Variants in SCAPER observed in about 807,000 individuals in gnomAD.
SCAPER encodes the protein S phase cyclin A-associated protein in the endoplasmic reticulum.
SCAPER carries 98 observed loss-of-function variants against 182.2 expected under a neutral mutation model. The ratio of observed to expected loss-of-function variants is 0.54; its 90% CI spans 0.46 to 0.64. The LOEUF is 0.64. Among genes scored for constraint, SCAPER ranks in the 30% least tolerant of loss-of-function variants. The pLI, the probability that SCAPER is intolerant of heterozygous loss-of-function variation, is 0.00. For missense variants in SCAPER, 1,432 were observed against 1,690.0 expected (o/e 0.85, Z 2.68); for synonymous variants, 605 against 564.6 (o/e 1.07, Z -1.01).
intron 23 of SCAPER, among the ~76,000 whole-genome samples, chr15:76,512,710 T>C (rs1383350814): frequency 3.3e-5 from 5 of 151,988 alleles, no homozygotes; most frequent in Non-Finnish European, 5.9e-5. Flanking sequence ...ACAACATGGA[T>C]GCGACCTCTT....
At chr15:76,411,311 A>C (rs1052592673) in intron 26 of SCAPER, among the ~76,000 whole-genome samples, 1 of 151,984 alleles carries the variant, frequency 6.6e-6, no homozygotes, top group African/African-American at 2.4e-5. Flanking sequence ...CAAACCCAAA[A>C]CTTTCTGAGT....
intron 17 of SCAPER, among the ~76,000 whole-genome samples, chr15:76,721,838 G>A (rs1471995924): frequency 1.3e-5 from 2 of 152,116 alleles, no homozygotes; most frequent in Non-Finnish European, 2.9e-5. Flanking sequence ...TGAGACGATG[G>A]GGTTTTCTAG....
intron 24 of SCAPER, among the ~76,000 whole-genome samples, chr15:76,502,963 C>A (rs2041265366): frequency 6.6e-6 from 1 of 152,174 alleles, no homozygotes; most frequent in East Asian, 1.9e-4. Context: ...ACAACATACT[C>A]TGTCACAATG....
intron 20 of SCAPER, among the ~76,000 whole-genome samples, chr15:76,696,931 T>C (rs773930449): frequency 6.6e-5 from 10 of 152,100 alleles, no homozygotes; most frequent in South Asian, 2.1e-4. Flanking sequence ...CAAATTACAA[T>C]AAAAACACAA....
chr15:76,714,832 A>T (rs1336813120), intron 17 of SCAPER, among the ~76,000 whole-genome samples: 3 of 152,210 alleles, frequency 2.0e-5, no homozygotes, highest in Non-Finnish European at 4.4e-5. Flanking sequence ...AAATACATCA[A>T]ATTGAAGTGG....
intron 17 of SCAPER, among the ~76,000 whole-genome samples, chr15:76,706,999 T>C (rs1209169006): frequency 6.6e-6 from 1 of 152,074 alleles, no homozygotes; most frequent in African/African-American, 2.4e-5. Flanking sequence ...ATGTAAGATA[T>C]GTGAAAACAG....
At position 76,830,005 on chromosome 15, in the gene SCAPER, G is replaced by A. The variant is rs533839803; in HGVS notation, c.393+11729C>T. Among the ~76,000 whole-genome samples, 4 of 152,298 alleles carry A rather than the reference G, an allele frequency of 2.6e-5. No homozygotes were observed. The South Asian group carries it at 8.3e-4, about 32-fold the overall frequency. On this transcript the variant is annotated intron_variant, in intron 5 of 31. Transcript: ENST00000563290. ...ATAAGAGCATATCATAGTCTGAAAC[G>A]TAAGTTAGGCTCCCCTGGGAAAGTG...
At chr15:76,895,190 G>C (rs116486416) in intron 1 of SCAPER, among the ~76,000 whole-genome samples, 1 of 152,120 alleles carries the variant, frequency 6.6e-6, no homozygotes, top group Non-Finnish European at 1.5e-5. Context: ...CTATGATCAG[G>C]TAGGAATTAT....
intron 17 of SCAPER, among the ~76,000 whole-genome samples, chr15:76,722,274 A>C (rs982681829): frequency 2.0e-5 from 3 of 152,180 alleles, no homozygotes; most frequent in Non-Finnish European, 4.4e-5. Context: ...CCAGGGATGA[A>C]GCCCACTTGA....
intron 22 of SCAPER, among the ~76,000 whole-genome samples, chr15:76,606,035 A>C (rs2050362489): frequency 1.3e-5 from 2 of 151,950 alleles, no homozygotes; most frequent in Admixed American, 6.6e-5. Context: ...TTCTGCAATG[A>C]TCTTAGTTAT....
chr15:76,372,681 C>G (rs1227942742), intron 29 of SCAPER, among the ~76,000 whole-genome samples: 1 of 152,146 alleles, frequency 6.6e-6, no homozygotes, highest in East Asian at 1.9e-4. Flanking sequence ...AAAATATTAT[C>G]ACATATACAA....
chr15:76,477,355 A>G (rs1224242402), intron 24 of SCAPER, among the ~76,000 whole-genome samples: 1 of 152,206 alleles, frequency 6.6e-6, no homozygotes, highest in East Asian at 1.9e-4. Context: ...CAGGTTCTAT[A>G]GTGAGAGAGC....
At chr15:76,722,613 T>G (rs556268065) in intron 17 of SCAPER, among the ~76,000 whole-genome samples, 2 of 152,348 alleles carry the variant, frequency 1.3e-5, no homozygotes, top group African/African-American at 4.8e-5. Context: ...GAGCCTGTTA[T>G]TGGTCTATTC....
At chr15:76,788,768 T>A (rs779524162) in intron 8 of SCAPER, among the ~76,000 whole-genome samples, 2 of 152,202 alleles carry the variant, frequency 1.3e-5, no homozygotes, top group African/African-American at 4.8e-5. Context: ...ATACACAATA[T>A]AGAGAAAACA....
intron 5 of SCAPER, among the ~76,000 whole-genome samples, chr15:76,817,818 A>T (rs1348691801): frequency 1.3e-5 from 2 of 152,202 alleles, no homozygotes; most frequent in African/African-American, 4.8e-5. Flanking sequence ...CTGATAAAAA[A>T]AATTAGAAAA....
chr15:76,811,354 G>C (rs1021121045), intron 5 of SCAPER, among the ~76,000 whole-genome samples: 3 of 152,122 alleles, frequency 2.0e-5, no homozygotes, highest in Non-Finnish European at 4.4e-5. Flanking sequence ...AAAAGGCAGT[G>C]AGGAGTCACA....
intron 27 of SCAPER, among the ~76,000 whole-genome samples, chr15:76,393,008 TG>T (rs1417564063): frequency 6.6e-6 from 1 of 152,230 alleles, no homozygotes; most frequent in Non-Finnish European, 1.5e-5. Flanking sequence ...GTTCCCTTTC[TG>T]CCTAGCACAT....
At chr15:76,619,783 G>A (rs1169851296) in intron 22 of SCAPER, among the ~76,000 whole-genome samples, 1 of 151,916 alleles carries the variant, frequency 6.6e-6, no homozygotes, top group African/African-American at 2.4e-5. Flanking sequence ...TTCCTCTTAA[G>A]TTTACTCTTA....
intron 29 of SCAPER, among the ~76,000 whole-genome samples, chr15:76,363,188 C>A (rs999928191): frequency 6.6e-6 from 1 of 152,160 alleles, no homozygotes; most frequent in African/African-American, 2.4e-5. Flanking sequence ...GGTTAAGCCC[C>A]CTATATTCAC....
Sources: gnomAD v4.1 joint callset for allele counts (sites outside exome capture counted in the v4.1 genomes callset) on GRCh38, gnomAD v4.1.1 for gene constraint, MANE v1.5 for transcripts, NCBI Gene and HGNC (gene_info 2026-07-23, HGNC 2026-07-21) for gene names.